BEAN1: variants seen among roughly 807,000 people sequenced by gnomAD.
BEAN1 encodes protein BEAN1.
BEAN1 carries 17 observed loss-of-function variants against 17.7 expected under a neutral mutation model. That is an observed-to-expected ratio of 0.96 (90% CI 0.66 to 1.44). The LOEUF (loss-of-function observed/expected upper bound fraction) is 1.44. Among genes scored for constraint, BEAN1 ranks in the 40% most tolerant of loss-of-function variants. The probability of loss-of-function intolerance (pLI) is 0.00; values close to 1 mark genes in which losing one functional copy is unlikely to be tolerated. For synonymous variants in BEAN1, 142 were observed against 151.8 expected, an observed-to-expected ratio of 0.94 and a Z score of 0.47; for missense variants, 359 against 374.1, an observed-to-expected ratio of 0.96 and a Z score of 0.33.
chr16:66,481,031 A>G lies in BEAN1; in HGVS notation c.*106A>G. On this transcript the variant is annotated 3_prime_UTR_variant, in exon 5 of 5. Transcript: ENST00000536005. This position sits in a 1 kb window ranked among gnomAD's most constrained non-coding sequence, Gnocchi z 4.1. The stretch of plus-strand genomic sequence containing the variant: ...CAGAGATGCACACGTGACTCATAAC[A>G]CACACATAGACCAAACTTGTATACA... 1.0e-6 allele frequency: 1 copy of G among 969,232 alleles called. No individual in the cohort carries two copies. Among genetic ancestry groups the G allele is most frequent in the Non-Finnish European group, 1.5e-6 (1 of 680,044 alleles). The allele number at this position is 969,232 out of a possible 1,614,324, so 60.0% of individuals were successfully genotyped here. A position where few individuals can be genotyped will look rare whatever the true frequency, so the allele number is the denominator to read the frequency against.
intron 4 of BEAN1, among the ~76,000 whole-genome samples, chr16:66,488,956 G>C (rs1232672244): frequency 6.6e-6 from 1 of 151,880 alleles, no homozygotes; most frequent in African/African-American, 2.4e-5. Context: ...TGGATTGCCT[G>C]AGGTCAGGAG....
rs114425469 is a variant in BEAN1, at chr16:66,445,798, G to A, written c.25+8097G>A. Among the ~76,000 whole-genome samples, 429 of 152,250 alleles carry A rather than the reference G, an allele frequency of 2.8e-3. 1 individual carries two copies. Among genetic ancestry groups the A allele is most frequent in the African/African-American group, 9.9e-3 (411 of 41,544 alleles). On this transcript the variant is annotated intron_variant, in intron 2 of 4. Transcript: ENST00000536005. Reference sequence around the variant, plus strand: ...GCATCTAATCAAGTAGTCATTGGAGGGGTTTGAGCTGAGAAGGGACCTGAT... The same window carrying A: ...GCATCTAATCAAGTAGTCATTGGAGAGGTTTGAGCTGAGAAGGGACCTGAT...
intron 3 of BEAN1, among the ~76,000 whole-genome samples, chr16:66,472,119 G>A (rs993194503): frequency 4.6e-5 from 7 of 152,222 alleles, no homozygotes; most frequent in Non-Finnish European, 1.0e-4. Flanking sequence ...CCGAAAAAAA[G>A]CCTTCCAGGC....
intron 1 of BEAN1, among the ~76,000 whole-genome samples, chr16:66,435,184 C>G (rs1417456091): frequency 1.3e-5 from 2 of 152,164 alleles, no homozygotes; most frequent in Admixed American, 1.3e-4. Flanking sequence ...GCCAGAGCAT[C>G]AGGGCAGCCG....
At position 66,477,583 on chromosome 16, in the gene BEAN1, C is replaced by T. The variant is rs747973755; in HGVS notation, c.313C>T (p.Arg105Cys). The part of the protein sequence containing the change: ...GYVSDEHTYS[R>C]SSRRMRYACS... ...AGTGTCGGACGAGCACACATACAGC[C>T]GCTCAAGCCGCAGGATGCGCTATGC... The change falls in exon 4 of 5, where the codon CGC (arginine) becomes TGC (cysteine). Residue 105 changes from arginine to cysteine, a missense_variant. Coordinates refer to ENST00000536005, the MANE Select transcript of BEAN1 (RefSeq NM_001178020.3). 12 of 1,547,912 alleles carry T rather than the reference C, an allele frequency of 7.8e-6. No homozygotes were observed. The highest frequency in any genetic ancestry group is 6.8e-5 in the African/African-American group (5 of 73,008).
At chr16:66,458,282 C>T (rs1174972239) in intron 2 of BEAN1, among the ~76,000 whole-genome samples, 1 of 152,198 alleles carries the variant, frequency 6.6e-6, no homozygotes, top group African/African-American at 2.4e-5. Context: ...CTCCATGCTA[C>T]ACTCAGCAAG....
At chr16:66,491,636 A>G (rs1436497434) in intron 4 of BEAN1, among the ~76,000 whole-genome samples, 1 of 151,962 alleles carries the variant, frequency 6.6e-6, no homozygotes, top group Non-Finnish European at 1.5e-5. Context: ...CAATTTTTCC[A>G]CAGACAGGGT....
At chr16:66,438,256 C>T (rs1596980704) in intron 2 of BEAN1, among the ~76,000 whole-genome samples, 1 of 151,974 alleles carries the variant, frequency 6.6e-6, no homozygotes, top group Admixed American at 6.6e-5. Flanking sequence ...TGGTGGTGGG[C>T]GCCTGTAATC....
At chr16:66,491,079 TCTGGGTGAGACCCTC>T (rs1157116402) in intron 4 of BEAN1, among the ~76,000 whole-genome samples, 1 of 152,132 alleles carries the variant, frequency 6.6e-6, no homozygotes, top group Non-Finnish European at 1.5e-5. Context: ...GCGAAGCTGC[TCTGGGTGAGACCCTC>T]CTGGGCAACA....
In BEAN1 at chr16:66,477,657, C is replaced by T. The variant is rs142343073; in HGVS notation, c.387C>T (p.Asp129=). 3.7e-3 allele frequency: 5,679 copies of T among 1,550,688 alleles called. 19 individuals are homozygous for T. The highest frequency in any genetic ancestry group is 4.5e-3 in the Non-Finnish European group (5,160 of 1,146,564). Residue 129 remains aspartate, a synonymous_variant, in exon 4 of 5, where the codon GAC becomes GAT. Transcript: ENST00000536005. Reference sequence around the variant, plus strand: ...CCCCACCCTTGGACATCAGCTCTGACGGGGACGTGGATGCCACGGTGCTCA... The same window carrying T: ...CCCCACCCTTGGACATCAGCTCTGATGGGGACGTGGATGCCACGGTGCTCA... The part of the protein sequence containing the change: ...DWPPPLDISS[D]GDVDATVLRE...
chr16:66,446,437 C>A (rs187707749), intron 2 of BEAN1, among the ~76,000 whole-genome samples: 1 of 152,078 alleles, frequency 6.6e-6, no homozygotes, highest in East Asian at 1.9e-4. Context: ...TGGTGGGGGG[C>A]TGTGAGTCAA....
At position 66,481,263 on chromosome 16, in the gene BEAN1, G is replaced by A. The variant is rs1436630031; in HGVS notation, c.*338G>A. The stretch of plus-strand genomic sequence containing the variant: ...TAGAGAGCGCTTCGGAGAGAGAGGC[G>A]AAGTAGGAAGTGGGATTTTCTCTTC... On this transcript the variant is annotated 3_prime_UTR_variant, in exon 5 of 5. Coordinates refer to ENST00000536005, the MANE Select transcript of BEAN1 (RefSeq NM_001178020.3). This position sits in a 1 kb window ranked among gnomAD's most constrained non-coding sequence, Gnocchi z 4.1. 7 of 399,446 alleles carry A rather than the reference G, an allele frequency of 1.8e-5. No individual in the cohort carries two copies. Among genetic ancestry groups the A allele is most frequent in the South Asian group, 2.5e-4 (2 of 8,000 alleles). 24.7% of individuals were successfully genotyped at this position (399,446 alleles called of 1,614,324 possible).
downstream of BEAN1, among the ~76,000 whole-genome samples, chr16:66,487,205 A>C (rs534569560): frequency 6.6e-6 from 1 of 152,346 alleles, no homozygotes; most frequent in African/African-American, 2.4e-5. Context: ...GAGGAACATA[A>C]ATTTGGGCAA....
rs975237115 is a variant in BEAN1 at position 66,434,199 on chromosome 16, G to A, written c.-82-3396G>A. Among the ~76,000 whole-genome samples the A allele has an allele frequency of 2.6e-5, 4 of 152,166 alleles. No individual in the cohort carries two copies. The highest frequency in any genetic ancestry group is 4.4e-5 in the Non-Finnish European group (3 of 68,020). On this transcript the variant is annotated intron_variant, in intron 1 of 4. Coordinates refer to ENST00000536005, the MANE Select transcript of BEAN1 (RefSeq NM_001178020.3). The surrounding 1 kb of genome is among the most constrained non-coding windows in gnomAD (Gnocchi z 4.3). ...CCACGCTTGGCCTAGCAGCTGGGGTGGGCCTGCCCCCGACCCCGACCCCAA... is the reference window on the plus strand; with the variant it reads ...CCACGCTTGGCCTAGCAGCTGGGGTAGGCCTGCCCCCGACCCCGACCCCAA...
At position 66,473,714 on chromosome 16, in the gene BEAN1, A is replaced by C. The variant is rs1269721042; in HGVS notation, c.290-3846A>C. Among the ~76,000 whole-genome samples, 1 of 151,812 alleles carries C rather than the reference A, an allele frequency of 6.6e-6. No individual in the cohort carries two copies. Among genetic ancestry groups the C allele is most frequent in the Non-Finnish European group, 1.5e-5 (1 of 67,972 alleles). ...CCTGTCTCTAAATAAATAAATAAAT[A>C]AATAAATAATAAATAATAAATAAAG... On this transcript the variant is annotated intron_variant, in intron 3 of 4. Coordinates refer to ENST00000536005, the MANE Select transcript of BEAN1 (RefSeq NM_001178020.3). This position sits in a 1 kb window ranked among gnomAD's most constrained non-coding sequence, Gnocchi z 4.5.
intron 4 of BEAN1, among the ~76,000 whole-genome samples, chr16:66,490,599 G>A (rs1298086879): frequency 6.6e-6 from 1 of 152,122 alleles, no homozygotes; most frequent in Non-Finnish European, 1.5e-5. Flanking sequence ...GCCCTTGGTT[G>A]GTTGAGGGTC....
downstream of BEAN1, chr16:66,482,971 C>T (rs780098229): frequency 1.0e-4 from 47 of 450,626 alleles, no homozygotes; most frequent in South Asian, 6.5e-4. Flanking sequence ...ATCCTCCCAC[C>T]TCAGCCTCCT....
At chr16:66,456,907 C>T (rs956982185) in intron 2 of BEAN1, among the ~76,000 whole-genome samples, 8 of 152,194 alleles carry the variant, frequency 5.3e-5, no homozygotes, top group African/African-American at 1.9e-4. Flanking sequence ...TTGCTTTCAT[C>T]TTACATTTAT....
At position 66,427,983 on chromosome 16, in the gene BEAN1, C is replaced by CT. The variant is rs1190199205; in HGVS notation, c.-83+553dup. The CT allele has an allele frequency of 6.6e-6, 1 of 152,332 alleles. No individual in the cohort carries two copies. The highest frequency in any genetic ancestry group is 1.9e-4 in the East Asian group (1 of 5,194). 9.4% of individuals were successfully genotyped at this position (152,332 alleles called of 1,614,324 possible). A position where few individuals can be genotyped will look rare whatever the true frequency, so the allele number is the denominator to read the frequency against. ...CGAGCAGGTCGCCTGGGGTATGCCC[C>CT]TGTCTCCGTGCCTCTGTCTCAGCAC... On this transcript the variant is annotated intron_variant, in intron 1 of 4. Transcript: ENST00000536005. The surrounding 1 kb of genome is among the most constrained non-coding windows in gnomAD (Gnocchi z 4.7).
Sources: allele counts gnomAD v4.1 joint callset (sites outside exome capture counted in the v4.1 genomes callset), GRCh38; gene constraint gnomAD v4.1.1; non-coding constraint Gnocchi (gnomAD v3.1); transcripts MANE v1.5; gene names NCBI Gene and HGNC (gene_info 2026-07-23, HGNC 2026-07-21).